NVL: variants seen among roughly 807,000 people sequenced by gnomAD.
NVL encodes nuclear valosin-containing protein-like.
A neutral mutation model predicts 110.2 loss-of-function variants in NVL; 84 were observed. The observed-to-expected ratio is 0.76, with a 90% CI of 0.64 to 0.91. The LOEUF (loss-of-function observed/expected upper bound fraction) is 0.91, where lower values mean the gene tolerates loss of function less well. Ranked by LOEUF, NVL falls within the 40% of genes least tolerant of loss-of-function variation. The pLI, the probability that NVL is intolerant of heterozygous loss-of-function variation, is 0.00. For synonymous variants in NVL, 354 were observed against 361.1 expected (o/e 0.98, Z 0.22); for missense variants, 882 against 1,035.9 (o/e 0.85, Z 2.04).
At chr1:224,281,682 C>T (rs1048117809) in intron 15 of NVL, among the ~76,000 whole-genome samples, 1 of 150,648 alleles carries the variant, frequency 6.6e-6, no homozygotes, top group African/African-American at 2.4e-5. Context: ...GGGGTGGGTG[C>T]GGTGACTCGC....
intron 19 of NVL, among the ~76,000 whole-genome samples, chr1:224,245,132 G>A (rs954485419): frequency 2.0e-5 from 3 of 152,194 alleles, no homozygotes; most frequent in Admixed American, 6.5e-5. Flanking sequence ...AGGAGAAAGA[G>A]AAAATTGTAT....
intron 19 of NVL, 149 bp from the exon 20 acceptor site, chr1:224,236,731 TA>T: frequency 1.7e-6 from 1 of 591,252 alleles, no homozygotes; most frequent in Non-Finnish European, 3.1e-6. Context: ...TGGAACATGG[TA>T]AAACCCCATC....
intron 14 of NVL, 36 bp from the exon 15 acceptor site, chr1:224,286,166 G>T: frequency 1.4e-6 from 2 of 1,448,066 alleles, no homozygotes; most frequent in Non-Finnish European, 1.9e-6. Flanking sequence ...TCCATTACAT[G>T]TCCATTTTAT....
intron 21 of NVL, 47 bp downstream of exon 21, chr1:224,233,154 T>C (rs1246014574): frequency 6.6e-7 from 1 of 1,520,990 alleles, no homozygotes; most frequent in Non-Finnish European, 9.0e-7. Flanking sequence ...GCAACAGTGG[T>C]TTTAAGTATC....
At chr1:224,248,569 G>C (rs1016894670) in intron 19 of NVL, among the ~76,000 whole-genome samples, 2 of 152,082 alleles carry the variant, frequency 1.3e-5, no homozygotes, top group Admixed American at 1.3e-4. Context: ...ATCTTCCTTT[G>C]TCAGCATCAA....
intron 14 of NVL, 94 bp from the exon 15 acceptor site, chr1:224,286,224 T>A: frequency 1.0e-6 from 1 of 971,512 alleles, no homozygotes; most frequent in Non-Finnish European, 1.5e-6. Flanking sequence ...GGTTTTTTTT[T>A]TTTTTTGAGT....
In NVL at chr1:224,294,416, T is replaced by C; in HGVS notation, c.1181-5A>G. 1 of 1,613,792 alleles carries C rather than the reference T, an allele frequency of 6.2e-7. No individual in the cohort carries two copies. The highest frequency in any genetic ancestry group is 1.1e-5 in the South Asian group (1 of 91,064). ...TAGCAGCCACATTATTCAGATCTAG[T>C]AAGAGACAGAGAAAGAGTAGTGAAC... On this transcript the variant is annotated splice_polypyrimidine_tract_variant and splice_region_variant and intron_variant, in intron 11 of 22. Transcript: ENST00000281701.
At chr1:224,277,989 G>C (rs545706046) in intron 16 of NVL, among the ~76,000 whole-genome samples, 2 of 152,270 alleles carry the variant, frequency 1.3e-5, no homozygotes, top group East Asian at 3.9e-4. Context: ...GGTTCTGTCA[G>C]AGGCCCTTAA....
At chr1:224,321,448 G>A (rs944486630) in intron 2 of NVL, among the ~76,000 whole-genome samples, 2 of 152,122 alleles carry the variant, frequency 1.3e-5, no homozygotes, top group Non-Finnish European at 2.9e-5. Context: ...CAGGTGTAGT[G>A]GCTCATGCCT....
At chr1:224,239,700 C>T (rs549323463) in intron 19 of NVL, among the ~76,000 whole-genome samples, 1 of 152,270 alleles carries the variant, frequency 6.6e-6, no homozygotes, top group Non-Finnish European at 1.5e-5. Context: ...TAAGCTGGAC[C>T]TCCACAAGGT....
intron 18 of NVL, 56 bp from the exon 19 acceptor site, chr1:224,250,374 T>A (rs1662333784): frequency 7.0e-7 from 1 of 1,432,902 alleles, no homozygotes; most frequent in South Asian, 1.5e-5. Context: ...TTTATTTTTT[T>A]ATTTTTTTGA....
intron 16 of NVL, among the ~76,000 whole-genome samples, chr1:224,277,488 T>A (rs989501429): frequency 3.3e-5 from 5 of 152,154 alleles, no homozygotes; most frequent in African/African-American, 7.2e-5. Context: ...ACTTTGGAAA[T>A]GGTAAACCAA....
chr1:224,260,781 G>A (rs1192865241), intron 18 of NVL, among the ~76,000 whole-genome samples: 1 of 144,040 alleles, frequency 6.9e-6, no homozygotes, highest in Non-Finnish European at 1.5e-5. Flanking sequence ...AGCTCACTGT[G>A]GCCTCAAACT....
At chr1:224,266,213 A>C (rs1664486525) in intron 18 of NVL, among the ~76,000 whole-genome samples, 2 of 152,026 alleles carry the variant, frequency 1.3e-5, no homozygotes, top group Admixed American at 1.3e-4. Flanking sequence ...CAGGGCCCTC[A>C]TTTCCTACTC....
At chr1:224,279,823 T>C (rs998117737) in intron 16 of NVL, among the ~76,000 whole-genome samples, 6 of 152,126 alleles carry the variant, frequency 3.9e-5, no homozygotes, top group Admixed American at 1.3e-4. Context: ...TTTCCAATTA[T>C]CTCATAAACC....
chr1:224,229,037 T>C (rs1659553600), intron 22 of NVL, among the ~76,000 whole-genome samples: 1 of 150,910 alleles, frequency 6.6e-6, no homozygotes, highest in South Asian at 2.1e-4. Context: ...GGCTCAGGCC[T>C]GTAACCCAGC....
At chr1:224,257,030 GA>G in intron 18 of NVL, 1 of 525,660 alleles carries the variant, frequency 1.9e-6, no homozygotes. Flanking sequence ...GTCAGAGACA[GA>G]ATTCTTTTTT....
At chr1:224,312,604 G>A (rs2102742666) in intron 4 of NVL, 1 of 152,164 alleles carries the variant, frequency 6.6e-6, no homozygotes, top group East Asian at 1.9e-4. Context: ...TGGATTACCT[G>A]AGGTCAGGAG....
intron 20 of NVL, among the ~76,000 whole-genome samples, chr1:224,233,519 G>A (rs1298929720): frequency 1.3e-5 from 2 of 152,324 alleles, no homozygotes; most frequent in African/African-American, 2.4e-5. Flanking sequence ...CAGCACTTTG[G>A]GAGGCCGAGG....
Sources: gnomAD v4.1 joint callset for allele counts (sites outside exome capture counted in the v4.1 genomes callset) on GRCh38, gnomAD v4.1.1 for gene constraint, MANE v1.5 for transcripts, NCBI Gene and HGNC (gene_info 2026-07-23, HGNC 2026-07-21) for gene names.